The following PITPNC1 variants were observed in gnomAD, a reference collection of about 807,000 sequenced individuals.
The protein encoded by PITPNC1 is cytoplasmic phosphatidylinositol transfer protein 1.
In PITPNC1, 18 loss-of-function variants were observed where a neutral mutation model predicts 44.7. The ratio of observed to expected loss-of-function variants is 0.40; its 90% confidence interval spans 0.28 to 0.60. The LOEUF (loss-of-function observed/expected upper bound fraction) is 0.60. Ranked by LOEUF, PITPNC1 falls within the 20% of genes least tolerant of loss-of-function variation. PITPNC1 has a pLI of 0.39. For missense variants in PITPNC1, 290 were observed against 418.4 expected (o/e 0.69, Z 2.68); for synonymous variants, 141 against 149.6 (o/e 0.94, Z 0.42).
At chr17:67,518,236 C>T (rs1184738713) in intron 1 of PITPNC1, among the ~76,000 whole-genome samples, 1 of 152,154 alleles carries the variant, frequency 6.6e-6, no homozygotes, top group Non-Finnish European at 1.5e-5. Flanking sequence ...CCTGGGTTCC[C>T]TAAGGTACTA....
chr17:67,670,675 C>T (rs1458190795), intron 7 of PITPNC1, among the ~76,000 whole-genome samples: 2 of 144,674 alleles, frequency 1.4e-5, no homozygotes, highest in East Asian at 4.1e-4. Context: ...TGCTTGAACC[C>T]AGGAGGCAGA....
Position 67,692,651 on chromosome 17 carries a change from T to G in PITPNC1, c.762T>G (p.Pro254=). The change falls in exon 9 of 9, where the codon CCT becomes CCG. Residue 254 remains proline (P), a synonymous_variant. Transcript: ENST00000581322. ...ACAAGAAAATCGGCATTTTCCCACC[T>G]GCAATTTCTATCTCCAGCATCCCCC... is the stretch of plus-strand genomic sequence containing the variant. ...ATNKKIGIFP[P]AISISSIPLL... 1 of 1,613,666 alleles carries G rather than the reference T, an allele frequency of 6.2e-7. No homozygotes were observed. Among genetic ancestry groups the G allele is most frequent in the Non-Finnish European group, 8.5e-7 (1 of 1,179,638 alleles).
In PITPNC1 at chr17:67,392,024, C is replaced by T. The variant is rs570091831; in HGVS notation, c.48+13822C>T. On this transcript the variant is annotated intron_variant, in intron 1 of 8. Transcript: ENST00000581322. ...TTCGTGCTCTAAAAAGAGAACCACCCCTACACTCTTGGAAATTATTCCTTT... is the reference window on the plus strand; with the variant it reads ...TTCGTGCTCTAAAAAGAGAACCACCTCTACACTCTTGGAAATTATTCCTTT... Among the ~76,000 whole-genome samples, 10 of 152,242 alleles carry T rather than the reference C, an allele frequency of 6.6e-5. No homozygotes were observed. The South Asian group carries it at 1.0e-3, about 16-fold the overall frequency.
chr17:67,671,237 C>G (rs575263998), intron 7 of PITPNC1, among the ~76,000 whole-genome samples: 9 of 152,082 alleles, frequency 5.9e-5, no homozygotes, highest in Admixed American at 6.5e-5. Flanking sequence ...CATATTTTCT[C>G]AGGGTTTCTA....
intron 5 of PITPNC1, among the ~76,000 whole-genome samples, chr17:67,630,884 G>A (rs1454272862): frequency 6.6e-6 from 1 of 151,164 alleles, no homozygotes; most frequent in Non-Finnish European, 1.5e-5. Flanking sequence ...GCTAATTTTT[G>A]TATTTTTGGT....
At chr17:67,522,398 A>G (rs930190945) in intron 1 of PITPNC1, among the ~76,000 whole-genome samples, 3 of 151,960 alleles carry the variant, frequency 2.0e-5, no homozygotes, top group Non-Finnish European at 4.4e-5. Flanking sequence ...TGTAACATTC[A>G]TTGTTTCTCC....
chr17:67,425,193 G>A lies in PITPNC1; in HGVS notation c.48+46991G>A, dbSNP rs1368378300. ...AAATAAACAGCCATGTTGTGCGCGC[G>A]CACGCACACGCACACACACACACAC... is the stretch of plus-strand genomic sequence containing the variant. On this transcript the variant is annotated intron_variant, in intron 1 of 8. Coordinates refer to ENST00000581322, the MANE Select transcript of PITPNC1 (RefSeq NM_012417.4). Among the ~76,000 whole-genome samples the A allele has an allele frequency of 3.2e-3, 165 of 52,064 alleles. 3 individuals carry two copies. Among genetic ancestry groups the A allele is most frequent in the Admixed American group, 0.025 (125 of 4,940 alleles). The allele number at this position is 52,064 out of a possible 152,430, so 34.2% of individuals were successfully genotyped here.
Position 67,508,154 on chromosome 17 carries a change from C to A in PITPNC1, c.49-24648C>A, listed in dbSNP as rs1389853969. On this transcript the variant is annotated intron_variant, in intron 1 of 8. Coordinates refer to ENST00000581322, the MANE Select transcript of PITPNC1 (RefSeq NM_012417.4). This position sits in a 1 kb window ranked among gnomAD's most constrained non-coding sequence, Gnocchi z 4.2. ...CCTCATGAAATTTGCAAAGCTGTTACCAGAAAGGGGCCCTGATCCAGACCC... is the reference window on the plus strand; with the variant it reads ...CCTCATGAAATTTGCAAAGCTGTTAACAGAAAGGGGCCCTGATCCAGACCC... Among the ~76,000 whole-genome samples the A allele has an allele frequency of 6.6e-6, 1 of 152,096 alleles. No individual in the cohort carries two copies. Among genetic ancestry groups the A allele is most frequent in the African/African-American group, 2.4e-5 (1 of 41,406 alleles).
At chr17:67,378,732 G>C (rs2037910461) in intron 1 of PITPNC1, among the ~76,000 whole-genome samples, 1 of 152,204 alleles carries the variant, frequency 6.6e-6, no homozygotes, top group Non-Finnish European at 1.5e-5. Context: ...CCGTCGCCGC[G>C]GGCTTGGGCG....
At position 67,697,254 on chromosome 17, in the gene PITPNC1, T is replaced by C. The variant is rs2043024660; in HGVS notation, c.*4366T>C. On this transcript the variant is annotated 3_prime_UTR_variant, in exon 9 of 9. Coordinates refer to ENST00000581322, the MANE Select transcript of PITPNC1 (RefSeq NM_012417.4). Reference sequence around the variant, plus strand: ...GTTGTAAATAAAATACAAAGCAATCTTCTTTGCAAGCGTAGCTTCCTCTCT... The same window carrying C: ...GTTGTAAATAAAATACAAAGCAATCCTCTTTGCAAGCGTAGCTTCCTCTCT... 1.3e-5 allele frequency: 2 copies of C among 151,654 alleles called. No individual in the cohort carries two copies. The highest frequency in any genetic ancestry group is 4.2e-4 in the South Asian group (2 of 4,804). 9.4% of individuals were successfully genotyped at this position (151,654 alleles called of 1,614,324 possible). A position where few individuals can be genotyped will look rare whatever the true frequency, so the allele number is the denominator to read the frequency against.
Position 67,669,494 on chromosome 17 carries a change from T to C in PITPNC1, c.463-14T>C, listed in dbSNP as rs1291292137. 13 of 1,297,166 alleles carry C rather than the reference T, an allele frequency of 1.0e-5. No individual in the cohort carries two copies. In the Admixed American group the frequency reaches 2.3e-4, roughly 23 times the overall value. 80.4% of individuals were successfully genotyped at this position (1,297,166 alleles called of 1,614,324 possible). On this transcript the variant is annotated splice_polypyrimidine_tract_variant and intron_variant, in intron 6 of 8. Coordinates refer to ENST00000581322, the MANE Select transcript of PITPNC1 (RefSeq NM_012417.4). ...CTTTTAATATATCAATTTCTTTGAT[T>C]TTTTTTTTTCTAGGATCCTAAGCAC...
intron 1 of PITPNC1, among the ~76,000 whole-genome samples, chr17:67,509,530 C>G (rs959039597): frequency 6.6e-6 from 1 of 150,382 alleles, no homozygotes; most frequent in African/African-American, 2.5e-5. Context: ...GAGTGAGGCT[C>G]CATCTCTAAA....
At chr17:67,493,373 G>A (rs2039888667) in intron 1 of PITPNC1, among the ~76,000 whole-genome samples, 1 of 152,208 alleles carries the variant, frequency 6.6e-6, no homozygotes, top group Admixed American at 6.5e-5. Context: ...GTGATGAATA[G>A]CACAGCTGTC....
chr17:67,532,988 C>T, intron 2 of PITPNC1, 38 bp downstream of exon 2: 1 of 1,563,480 alleles, frequency 6.4e-7, no homozygotes, highest in Non-Finnish European at 8.7e-7. Context: ...CAGAAGCCCC[C>T]TCCCACCTGA....
intron 2 of PITPNC1, among the ~76,000 whole-genome samples, chr17:67,536,497 G>A (rs1219139549): frequency 6.6e-6 from 1 of 152,126 alleles, no homozygotes; most frequent in Admixed American, 6.5e-5. Context: ...AAAGTGCCGG[G>A]ATTACAGGCA....
intron 4 of PITPNC1, among the ~76,000 whole-genome samples, chr17:67,561,932 A>G (rs2040911940): frequency 6.6e-6 from 1 of 152,036 alleles, no homozygotes; most frequent in East Asian, 1.9e-4. Flanking sequence ...TTTTTATTTG[A>G]TGTGGTCTCC....
chr17:67,473,353 G>C (rs1274250349), intron 1 of PITPNC1, among the ~76,000 whole-genome samples: 1 of 151,486 alleles, frequency 6.6e-6, no homozygotes, highest in Non-Finnish European at 1.5e-5. Context: ...TTTTGAGACA[G>C]AGTCTCGCTC....
chr17:67,516,305 C>T (rs1386669828), intron 1 of PITPNC1, among the ~76,000 whole-genome samples: 4 of 152,144 alleles, frequency 2.6e-5, no homozygotes, highest in Admixed American at 2.0e-4. Flanking sequence ...TGCAGCTAGA[C>T]GGGCTGGGTT....
chr17:67,558,367 C>T (rs186570489), intron 4 of PITPNC1, among the ~76,000 whole-genome samples: 6 of 152,122 alleles, frequency 3.9e-5, no homozygotes, highest in East Asian at 1.9e-4. Context: ...CCAGTTCTTC[C>T]AAACTGGTGG....
Sources: allele counts gnomAD v4.1 joint callset (sites outside exome capture counted in the v4.1 genomes callset), GRCh38; gene constraint gnomAD v4.1.1; non-coding constraint Gnocchi (gnomAD v3.1); transcripts MANE v1.5; gene names NCBI Gene and HGNC (gene_info 2026-07-23, HGNC 2026-07-21).